Variants in BCOR observed in about 807,000 individuals in gnomAD.
BCOR encodes BCL-6 corepressor.
A neutral mutation model predicts 86.7 loss-of-function variants in BCOR; 10 were observed. The observed-to-expected ratio is 0.12, with a 90% CI of 0.07 to 0.20. The LOEUF is 0.20. Ranked by LOEUF, BCOR falls within the 10% of genes least tolerant of loss-of-function variation. The pLI, the probability that BCOR is intolerant of heterozygous loss-of-function variation, is 1.00. For synonymous variants in BCOR, 611 were observed against 609.0 expected (o/e 1.00, Z -0.05); for missense variants, 1,259 against 1,452.1 (o/e 0.87, Z 2.16).
At chrX:40,103,344 A>G (rs1645502555) in intron 1 of BCOR, among the ~76,000 whole-genome samples, 1 of 110,638 alleles carries the variant, frequency 9.0e-6, no homozygotes, top group South Asian at 3.9e-4. Context: ...CATATATTTT[A>G]ATGATTTCCA....
At chrX:40,086,138 A>AC (rs1236533377) in intron 1 of BCOR, among the ~76,000 whole-genome samples, 1 of 99,917 alleles carries the variant, frequency 1.0e-5, no homozygotes, top group African/African-American at 3.7e-5. Flanking sequence ...CCCAAAATAC[A>AC]CCCCCCTTAG....
intron 1 of BCOR, among the ~76,000 whole-genome samples, chrX:40,125,010 G>A (rs1013534560): frequency 2.4e-4 from 26 of 106,136 alleles, no homozygotes; most frequent in African/African-American, 7.6e-4. Flanking sequence ...GAGGATGGAG[G>A]GGTGTGTGTG....
chrX:40,064,313 C>T lies in BCOR; in HGVS notation c.3502+23G>A, dbSNP rs370708765. 1.1e-4 allele frequency: 135 copies of T among 1,210,742 alleles called. No individual in the cohort carries two copies. In the South Asian group the frequency reaches 1.9e-3, roughly 17 times the overall value. On this transcript the variant is annotated intron_variant, in intron 7 of 14. Coordinates refer to ENST00000378444, the MANE Select transcript of BCOR (RefSeq NM_001123385.2). ...ATGCAAAGGCCCACCCCCCGGCAGGCGGGCGAAGCAGACAGGGCTCACCTT... is the reference window on the plus strand; with the variant it reads ...ATGCAAAGGCCCACCCCCCGGCAGGTGGGCGAAGCAGACAGGGCTCACCTT...
At chrX:40,166,847 CAGG>C (rs1265118956) in intron 1 of BCOR, among the ~76,000 whole-genome samples, 1 of 111,962 alleles carries the variant, frequency 8.9e-6, no homozygotes, top group Non-Finnish European at 1.9e-5. Context: ...CTGGTGAGGC[CAGG>C]AGGCCAGGTG....
intron 1 of BCOR, among the ~76,000 whole-genome samples, chrX:40,080,872 A>C (rs1257442169): frequency 3.0e-5 from 2 of 66,093 alleles, no homozygotes; most frequent in South Asian, 9.1e-4. Context: ...GTGTTTTGGG[A>C]GGGAAGGGGT....
At chrX:40,055,626 T>TGTGCTTAG in intron 11 of BCOR, 113 bp from the exon 12 acceptor site, 1 of 863,755 alleles carries the variant, frequency 1.2e-6, no homozygotes, top group Non-Finnish European at 1.7e-6. Context: ...CCTTGGGTAC[T>TGTGCTTAG]GAGCCTCCTA....
At position 40,075,111 on chromosome X, in the gene BCOR, G is replaced by C. The variant is rs1462787258; in HGVS notation, c.235C>G (p.Arg79Gly). The C allele has an allele frequency of 8.3e-7, 1 of 1,209,509 alleles. No homozygotes were observed. Among genetic ancestry groups the C allele is most frequent in the Non-Finnish European group, 1.1e-6 (1 of 894,486 alleles). Residue 79 changes from arginine to glycine, a missense_variant, in exon 4 of 15, where the codon CGG (arginine) becomes GGG (glycine). By Grantham distance (125) the Arg-to-Gly change is moderately radical. Around this residue, in one of 7 missense-constraint regions of BCOR, gnomAD observed 174 missense variants for 189.3 expected, o/e 0.92. Transcript: ENST00000378444. ...TTTCCCGGGACCCGCAGCCCTTCCC[G>C]GATCAGGCCAGTGCGGTCCATGCTC... Reference protein sequence around the residue: ...ALSMDRTGLIREGLRVPGNIV... With the variant: ...ALSMDRTGLIGEGLRVPGNIV...
chrX:40,120,441 C>T (rs1039573493), intron 1 of BCOR, among the ~76,000 whole-genome samples: 2 of 112,116 alleles, frequency 1.8e-5, no homozygotes, highest in African/African-American at 3.2e-5. Flanking sequence ...ACTCCCCAAA[C>T]CGACCCTTCA....
intron 1 of BCOR, among the ~76,000 whole-genome samples, chrX:40,172,202 G>T (rs1259523404): frequency 3.5e-5 from 4 of 112,769 alleles, no homozygotes; most frequent in Non-Finnish European, 7.5e-5. Flanking sequence ...GTGGCCGGAG[G>T]CTCAGCCACC....
intron 1 of BCOR, among the ~76,000 whole-genome samples, chrX:40,135,902 T>C (rs760188847): frequency 8.9e-6 from 1 of 112,408 alleles, no homozygotes; most frequent in East Asian, 2.8e-4. Context: ...TGTGTTTGTA[T>C]ATATAAATGT....
intron 1 of BCOR, among the ~76,000 whole-genome samples, chrX:40,127,861 A>AAAATAAATAAATAAAT (rs56092715): frequency 2.4e-4 from 21 of 85,923 alleles, no homozygotes; most frequent in East Asian, 3.8e-4. Flanking sequence ...ACCTTGTCTC[A>AAAATAAATAAATAAAT]AAATAAATAA....
At chrX:40,143,295 C>T (rs1017081885) in intron 1 of BCOR, among the ~76,000 whole-genome samples, 5 of 112,192 alleles carry the variant, frequency 4.5e-5, no homozygotes, top group Non-Finnish European at 9.4e-5. Flanking sequence ...TTCCCTCTCT[C>T]TTGCTTTCGA....
In BCOR at chrX:40,070,101, G is replaced by A. The variant is rs190041449; in HGVS notation, c.3238+872C>T. ...ACTGTGTTGTGAATGTCAAACCTCCGACGGCCCATGGTGGGGAGCTCTCAA... is the reference window on the plus strand; with the variant it reads ...ACTGTGTTGTGAATGTCAAACCTCCAACGGCCCATGGTGGGGAGCTCTCAA... On this transcript the variant is annotated intron_variant, in intron 6 of 14. Transcript: ENST00000378444. 6.2e-3 allele frequency among the ~76,000 whole-genome samples: 689 copies of A among 110,985 alleles called. 5 individuals carry two copies. Among genetic ancestry groups the A allele is most frequent in the South Asian group, 0.017 (43 of 2,585 alleles).
intron 6 of BCOR, among the ~76,000 whole-genome samples, chrX:40,069,313 A>G (rs1023598638): frequency 8.9e-6 from 1 of 112,012 alleles, no homozygotes; most frequent in African/African-American, 3.2e-5. Context: ...GAGGAGCACT[A>G]CGTGGTGACT....
intron 6 of BCOR, among the ~76,000 whole-genome samples, chrX:40,066,118 A>G (rs1935188518): frequency 9.0e-6 from 1 of 111,475 alleles, no homozygotes; most frequent in African/African-American, 3.3e-5. Flanking sequence ...CACTCACGAC[A>G]GTGCACTGTA....
chrX:40,070,724 A>G (rs1218475377), intron 6 of BCOR, among the ~76,000 whole-genome samples: 3 of 111,579 alleles, frequency 2.7e-5, no homozygotes, highest in Non-Finnish European at 5.7e-5. Flanking sequence ...CCCTGCACCT[A>G]ATTTCCTACT....
intron 1 of BCOR, among the ~76,000 whole-genome samples, chrX:40,092,342 C>A (rs1307279373): frequency 9.0e-6 from 1 of 111,630 alleles, no homozygotes; most frequent in Non-Finnish European, 1.9e-5. Flanking sequence ...AGAGGGACCG[C>A]AGCAAATCGA....
At chrX:40,120,640 C>T (rs762724109) in intron 1 of BCOR, among the ~76,000 whole-genome samples, 2 of 111,893 alleles carry the variant, frequency 1.8e-5, no homozygotes, top group East Asian at 2.8e-4. Flanking sequence ...CACAACCACA[C>T]CCGCAAATAA....
intron 9 of BCOR, 113 bp downstream of exon 9, chrX:40,062,633 T>C (rs1934949838): frequency 1.3e-6 from 1 of 791,604 alleles, no homozygotes; most frequent in Non-Finnish European, 1.9e-6. Context: ...GAGTGACGTG[T>C]GGTGTGGGGG....
Sources: gnomAD v4.1 joint callset for allele counts (sites outside exome capture counted in the v4.1 genomes callset) on GRCh38, gnomAD v4.1.1 for gene constraint, gnomAD v4.1.1 regional missense constraint, MANE v1.5 for transcripts, NCBI Gene and HGNC (gene_info 2026-07-23, HGNC 2026-07-21) for gene names.